The following RABEP1 variants were observed in gnomAD, a reference collection of about 807,000 sequenced individuals.
RABEP1 encodes the protein rabaptin, RAB GTPase binding effector protein 1.
A neutral mutation model predicts 123.4 loss-of-function variants in RABEP1; 51 were observed. The ratio of observed to expected loss-of-function variants is 0.41; its 90% CI spans 0.33 to 0.52. The LOEUF (loss-of-function observed/expected upper bound fraction) is 0.52. RABEP1 is among the 20% of genes least tolerant of loss of function. The pLI is 0.16. For missense variants in RABEP1, 888 were observed against 996.3 expected (o/e 0.89, Z 1.46); for synonymous variants, 347 against 355.2 (o/e 0.98, Z 0.26).
intron 2 of RABEP1, among the ~76,000 whole-genome samples, chr17:5,322,370 G>A (rs1905457997): frequency 6.6e-6 from 1 of 151,924 alleles, no homozygotes; most frequent in African/African-American, 2.4e-5. Context: ...AGAAAAAAAA[G>A]AAAAGACCGT....
At chr17:5,380,051 G>A (rs1474417676) in intron 15 of RABEP1, among the ~76,000 whole-genome samples, 1 of 152,160 alleles carries the variant, frequency 6.6e-6, no homozygotes. Flanking sequence ...GGAGTCAAAT[G>A]TCATCTCCTC....
rs1382539695 is a variant in RABEP1 at position 5,365,147 on chromosome 17, G to A, written c.1694G>A (p.Arg565Lys). The A allele has an allele frequency of 3.1e-6, 5 of 1,609,074 alleles. No homozygotes were observed. The highest frequency in any genetic ancestry group is 4.2e-6 in the Non-Finnish European group (5 of 1,178,364). ...DQVKKLQLML[R>K]QANDQLEKTM... The stretch of plus-strand genomic sequence containing the variant: ...GTGAAAAAACTACAGCTGATGCTAA[G>A]GCAAGCTAATGACCAGTTAGAGAAG... The change falls in exon 11 of 18, where the codon AGG (arginine) becomes AAG (lysine). Residue 565 changes from arginine (R) to lysine (K), a missense_variant. Physicochemically the swap from Arg to Lys is conservative, Grantham distance 26. Coordinates refer to ENST00000537505, the MANE Select transcript of RABEP1 (RefSeq NM_004703.6).
intron 12 of RABEP1, 33 bp downstream of exon 12, chr17:5,368,501 G>A (rs1431194661): frequency 6.9e-7 from 1 of 1,449,716 alleles, no homozygotes; most frequent in African/African-American, 1.4e-5. Context: ...TGACAACTAT[G>A]TTACTATATA....
intron 12 of RABEP1, among the ~76,000 whole-genome samples, chr17:5,372,759 A>ATTT (rs56024470): frequency 1.4e-5 from 2 of 146,576 alleles, no homozygotes; most frequent in Non-Finnish European, 3.0e-5. Context: ...GAAAATATTA[A>ATTT]TTTTTTTTTT....
intron 1 of RABEP1, among the ~76,000 whole-genome samples, chr17:5,293,183 A>G (rs1281781717): frequency 2.6e-5 from 4 of 151,962 alleles, no homozygotes; most frequent in Non-Finnish European, 4.4e-5. Flanking sequence ...GCTACTTGGG[A>G]GGGTGAGGCA....
At chr17:5,321,163 T>C (rs1404441813) in intron 2 of RABEP1, among the ~76,000 whole-genome samples, 3 of 152,112 alleles carry the variant, frequency 2.0e-5, no homozygotes. Context: ...TAAAACTGGC[T>C]GAGTGCAGTG....
chr17:5,282,285 T>G lies in RABEP1; in HGVS notation c.-202T>G. 2.5e-6 allele frequency: 1 copy of G among 405,522 alleles called. No homozygotes were observed. Among genetic ancestry groups the G allele is most frequent in the Non-Finnish European group, 4.3e-6 (1 of 231,690 alleles). 25.1% of individuals were successfully genotyped at this position (405,522 alleles called of 1,614,324 possible). A position where few individuals can be genotyped will look rare whatever the true frequency, so the allele number is the denominator to read the frequency against. ...CCTGCGCACTGCTTATTTCCCGCTGTCAGGATGAGGAGGCGGAGGTCGGCG... is the reference window on the plus strand; with the variant it reads ...CCTGCGCACTGCTTATTTCCCGCTGGCAGGATGAGGAGGCGGAGGTCGGCG... On this transcript the variant is annotated 5_prime_UTR_variant, in exon 1 of 18. Coordinates refer to ENST00000537505, the MANE Select transcript of RABEP1 (RefSeq NM_004703.6).
chr17:5,328,315 T>A (rs946399623), intron 2 of RABEP1, among the ~76,000 whole-genome samples: 3 of 152,132 alleles, frequency 2.0e-5, no homozygotes, highest in South Asian at 2.1e-4. Context: ...ATTTTTTATA[T>A]TGTTTCTATG....
At chr17:5,365,318 T>C (rs1429283420) in intron 11 of RABEP1, 80 bp downstream of exon 11, 2 of 905,686 alleles carry the variant, frequency 2.2e-6, no homozygotes, top group Admixed American at 6.1e-5. Flanking sequence ...TATAGTCATG[T>C]TTTTTTTTGC....
chr17:5,309,632 G>A (rs1264662052), intron 2 of RABEP1, among the ~76,000 whole-genome samples: 5 of 141,624 alleles, frequency 3.5e-5, no homozygotes, highest in African/African-American at 1.3e-4. Context: ...CAGCGTGGGC[G>A]ACAAGAGTGA....
intron 10 of RABEP1, 34 bp from the exon 11 acceptor site, chr17:5,365,088 C>G: frequency 6.7e-6 from 9 of 1,344,422 alleles, no homozygotes; most frequent in African/African-American, 1.5e-5. Flanking sequence ...TAAAAGGATT[C>G]TGGTTTTTCT....
chr17:5,373,693 A>AACACACACACACACACACACACACAC (rs55736303), intron 13 of RABEP1, among the ~76,000 whole-genome samples: 5 of 135,328 alleles, frequency 3.7e-5, no homozygotes, highest in South Asian at 2.5e-4. Context: ...ACACCAGCTA[A>AACACACACACACACACACACACACAC]ACACACACAC....
chr17:5,373,214 C>T (rs1206415535), intron 12 of RABEP1, 100 bp from the exon 13 acceptor site: 3 of 1,138,770 alleles, frequency 2.6e-6, no homozygotes, highest in Non-Finnish European at 3.7e-6. Context: ...CCCCGTCCAT[C>T]CTCAGCACTC....
chr17:5,341,283 GAACAT>G (rs1053469396), intron 5 of RABEP1, among the ~76,000 whole-genome samples: 7 of 151,946 alleles, frequency 4.6e-5, no homozygotes, highest in African/African-American at 1.7e-4. Context: ...TTAAAAAAAA[GAACAT>G]AACTACAAAT....
intron 2 of RABEP1, among the ~76,000 whole-genome samples, chr17:5,329,542 A>G (rs1265448595): frequency 1.3e-5 from 2 of 152,210 alleles, no homozygotes; most frequent in Admixed American, 1.3e-4. Context: ...AAAAAAATAA[A>G]TAAGCATGGC....
At position 5,350,155 on chromosome 17, in the gene RABEP1, C is replaced by T. The variant is rs573568344; in HGVS notation, c.785-296C>T. On this transcript the variant is annotated intron_variant, in intron 6 of 17. Coordinates refer to ENST00000537505, the MANE Select transcript of RABEP1 (RefSeq NM_004703.6). ...CAGCACTTTGGGAGGCCGAGACGGG[C>T]GGATCATGAGGTCAGGAGATCGAGA... 8.6e-5 allele frequency among the ~76,000 whole-genome samples: 13 copies of T among 152,030 alleles called. 1 individual carries two copies. The highest frequency in any genetic ancestry group is 1.5e-4 in the Non-Finnish European group (10 of 68,020).
intron 12 of RABEP1, among the ~76,000 whole-genome samples, chr17:5,372,430 T>C (rs1910594330): frequency 6.6e-6 from 1 of 152,076 alleles, no homozygotes; most frequent in African/African-American, 2.4e-5. Flanking sequence ...CAGCCTGGGC[T>C]ACAGAGCGAG....
In RABEP1 at chr17:5,386,100, G is replaced by T; in HGVS notation, c.*2877G>T. On this transcript the variant is annotated 3_prime_UTR_variant, in exon 18 of 18. Coordinates refer to ENST00000537505, the MANE Select transcript of RABEP1 (RefSeq NM_004703.6). ...TTTAAAAAGATGAACCACACCAAAG[G>T]TCATCAAAACACCTTTTTATAAATT... 1.3e-6 allele frequency: 1 copy of T among 760,418 alleles called. No homozygotes were observed. The highest frequency in any genetic ancestry group is 2.2e-6 in the Non-Finnish European group (1 of 462,504). The allele number at this position is 760,418 out of a possible 1,614,324, so 47.1% of individuals were successfully genotyped here. A position where few individuals can be genotyped will look rare whatever the true frequency, so the allele number is the denominator to read the frequency against.
At chr17:5,378,270 A>G in intron 15 of RABEP1, 38 bp downstream of exon 15, 1 of 1,513,158 alleles carries the variant, frequency 6.6e-7, no homozygotes, top group South Asian at 1.1e-5. Flanking sequence ...ATCAGCAACC[A>G]GTGGTTATTT....
Sources: gnomAD v4.1 joint callset for allele counts (sites outside exome capture counted in the v4.1 genomes callset) on GRCh38, gnomAD v4.1.1 for gene constraint, MANE v1.5 for transcripts, NCBI Gene and HGNC (gene_info 2026-07-23, HGNC 2026-07-21) for gene names.